MEGF10: variants seen among roughly 807,000 people sequenced by gnomAD.
MEGF10 encodes the protein multiple EGF like domains 10, also known as multiple epidermal growth factor-like domains protein 10.
In MEGF10, 86 loss-of-function variants were observed where a neutral mutation model predicts 147.5. The ratio of observed to expected loss-of-function variants is 0.58; its 90% CI spans 0.49 to 0.70. MEGF10 has a LOEUF of 0.70. Among genes scored for constraint, MEGF10 ranks in the 30% least tolerant of loss-of-function variants. MEGF10 has a pLI of 0.00. For synonymous variants in MEGF10, 478 were observed against 525.5 expected, an observed-to-expected ratio of 0.91 and a Z score of 1.24; for missense variants, 1,329 against 1,487.3, an observed-to-expected ratio of 0.89 and a Z score of 1.75.
intron 8 of MEGF10, among the ~76,000 whole-genome samples, chr5:127,407,379 CACTT>C (rs1234225523): frequency 4.6e-5 from 7 of 152,264 alleles, no homozygotes; most frequent in Middle Eastern, 3.4e-3. Flanking sequence ...CACGTTAACT[CACTT>C]ACTTTTTTCC....
rs11746512 is a variant in MEGF10 at position 127,349,186 on chromosome 5, G to A, written c.319+8556G>A. Among the ~76,000 whole-genome samples the A allele has an allele frequency of 2.6e-5, 4 of 152,140 alleles. No individual in the cohort carries two copies. In the East Asian group the frequency reaches 7.7e-4, roughly 29 times the overall value. ...TAAAACTAAAAATATGAACGCTATA[G>A]ATTTTGATTCTCTCTCACATTTCTG... is the stretch of plus-strand genomic sequence containing the variant. On this transcript the variant is annotated intron_variant, in intron 4 of 24. Transcript: ENST00000503335.
chr5:127,263,986 T>G, the MEGF10 span, among the ~76,000 whole-genome samples: 1 of 152,176 alleles, frequency 6.6e-6, no homozygotes, highest in Non-Finnish European at 1.5e-5. Flanking sequence ...ACAGCCACTG[T>G]TTTGGGTCTG....
intron 1 of MEGF10, among the ~76,000 whole-genome samples, chr5:127,296,992 G>A (rs1759532105): frequency 6.6e-6 from 1 of 152,078 alleles, no homozygotes; most frequent in Admixed American, 6.6e-5. Context: ...TTGAAGTGGA[G>A]TTTCATTCTT....
chr5:127,345,608 A>ACTCT (rs1218859115), intron 4 of MEGF10, among the ~76,000 whole-genome samples: 1 of 152,054 alleles, frequency 6.6e-6, no homozygotes, highest in Non-Finnish European at 1.5e-5. Context: ...ATTTAATTAG[A>ACTCT]CTCTAAATTT....
chr5:127,451,997 G>A (rs544153456), intron 22 of MEGF10, among the ~76,000 whole-genome samples: 14 of 152,252 alleles, frequency 9.2e-5, no homozygotes, highest in African/African-American at 2.9e-4. Flanking sequence ...CCCTTGATTC[G>A]TTCATTTGTG....
intron 4 of MEGF10, among the ~76,000 whole-genome samples, chr5:127,341,121 T>C (rs1761666062): frequency 6.6e-6 from 1 of 152,134 alleles, no homozygotes; most frequent in Non-Finnish European, 1.5e-5. Flanking sequence ...AGAACTTCTT[T>C]TCATTGTCAT....
chr5:127,243,516 G>A, the MEGF10 span, among the ~76,000 whole-genome samples: 5 of 151,978 alleles, frequency 3.3e-5, no homozygotes, highest in Non-Finnish European at 5.9e-5. Flanking sequence ...TTTTTCTTAC[G>A]TGAGAAACAA....
At chr5:127,361,364 G>A (rs573641768) in intron 4 of MEGF10, among the ~76,000 whole-genome samples, 66 of 151,860 alleles carry the variant, frequency 4.3e-4, no homozygotes, top group South Asian at 1.5e-3. Context: ...ATTTTATGGC[G>A]ATATCACTTC....
intron 1 of MEGF10, among the ~76,000 whole-genome samples, chr5:127,296,591 C>T (rs1759514110): frequency 6.6e-6 from 1 of 152,102 alleles, no homozygotes; most frequent in Admixed American, 6.5e-5. Context: ...CTCATCTGAC[C>T]CAGATGAGCT....
chr5:127,364,107 A>G (rs916720423), intron 4 of MEGF10, among the ~76,000 whole-genome samples: 4 of 152,230 alleles, frequency 2.6e-5, no homozygotes, highest in African/African-American at 7.2e-5. Context: ...CAGTATTGTT[A>G]TAACAGTTTT....
intron 12 of MEGF10, among the ~76,000 whole-genome samples, chr5:127,421,982 C>T (rs1322910420): frequency 2.2e-5 from 3 of 138,216 alleles, no homozygotes; most frequent in Non-Finnish European, 4.6e-5. Flanking sequence ...GAGTGAGACT[C>T]CGTCTCAAAA....
chr5:127,279,166 GC>G, the MEGF10 span, among the ~76,000 whole-genome samples: 1 of 152,198 alleles, frequency 6.6e-6, no homozygotes, highest in Non-Finnish European at 1.5e-5. Flanking sequence ...AAGGAGGGAG[GC>G]AAAGACTTAA....
intron 5 of MEGF10, among the ~76,000 whole-genome samples, chr5:127,383,955 G>A (rs1451364483): frequency 6.6e-6 from 1 of 152,164 alleles, no homozygotes; most frequent in African/African-American, 2.4e-5. Context: ...GTCATTGAAA[G>A]CCTTTATCCT....
chr5:127,400,418 C>T (rs1446295776), intron 7 of MEGF10, among the ~76,000 whole-genome samples: 4 of 152,224 alleles, frequency 2.6e-5, no homozygotes, highest in African/African-American at 9.6e-5. Flanking sequence ...AGTAAGGCTA[C>T]TCCTTCTCTA....
intron 13 of MEGF10, among the ~76,000 whole-genome samples, chr5:127,432,579 A>G (rs1765419771): frequency 6.6e-6 from 1 of 152,208 alleles, no homozygotes; most frequent in South Asian, 2.1e-4. Flanking sequence ...TTGTATTTCC[A>G]ATACGAATGT....
At chr5:127,391,555 G>A (rs539684230) in intron 5 of MEGF10, among the ~76,000 whole-genome samples, 2 of 148,972 alleles carry the variant, frequency 1.3e-5, no homozygotes, top group Non-Finnish European at 3.0e-5. Flanking sequence ...GGGTGACAGA[G>A]TGAGACCCTG....
At chr5:127,313,590 C>T (rs775701112) in intron 1 of MEGF10, among the ~76,000 whole-genome samples, 2 of 152,320 alleles carry the variant, frequency 1.3e-5, no homozygotes, top group East Asian at 1.9e-4. Context: ...TTTGTTTTCT[C>T]GTCTGAAACA....
chr5:127,290,173 G>T (rs187819621), upstream of MEGF10, among the ~76,000 whole-genome samples: 5 of 152,140 alleles, frequency 3.3e-5, no homozygotes, highest in Non-Finnish European at 7.4e-5. Context: ...ATTTTCCTGC[G>T]CGTCCGGGGA....
At chr5:127,435,236 G>GA in intron 15 of MEGF10, 125 bp from the exon 16 acceptor site, 1 of 1,144,714 alleles carries the variant, frequency 8.7e-7, no homozygotes, top group South Asian at 1.6e-5. Flanking sequence ...GGATGCTGTT[G>GA]AGCAGAGATA....
Sources: gnomAD v4.1 joint callset for allele counts (sites outside exome capture counted in the v4.1 genomes callset) on GRCh38, gnomAD v4.1.1 for gene constraint, MANE v1.5 for transcripts, NCBI Gene and HGNC (gene_info 2026-07-23, HGNC 2026-07-21) for gene names.